The following TRIO variants were observed in gnomAD, a reference collection of about 807,000 sequenced individuals.
TRIO encodes trio Rho guanine nucleotide exchange factor.
Under a neutral mutation model 351.9 loss-of-function variants are expected in TRIO, and 58 were observed. The observed-to-expected ratio is 0.16, with a 90% CI of 0.13 to 0.21. The LOEUF (loss-of-function observed/expected upper bound fraction) is 0.21. Ranked by LOEUF, TRIO falls within the 10% of genes least tolerant of loss-of-function variation. The pLI is 1.00. For synonymous variants in TRIO, 1,758 were observed against 1,595.7 expected (o/e 1.10, Z -2.42); for missense variants, 3,201 against 4,027.8 (o/e 0.79, Z 5.56).
intron 1 of TRIO, among the ~76,000 whole-genome samples, chr5:14,198,167 A>G (rs1357133429): frequency 6.6e-6 from 1 of 152,220 alleles, no homozygotes. Flanking sequence ...TTTTTGAAAT[A>G]TATAGAGTTT....
chr5:14,317,938 C>T (rs1739515336), intron 9 of TRIO, among the ~76,000 whole-genome samples: 1 of 152,028 alleles, frequency 6.6e-6, no homozygotes, highest in African/African-American at 2.4e-5. Flanking sequence ...ACGAGCCTGC[C>T]CAACATGGTG....
At chr5:14,360,290 C>G in intron 13 of TRIO, among the ~76,000 whole-genome samples, 1 of 152,170 alleles carries the variant, frequency 6.6e-6, no homozygotes, top group East Asian at 1.9e-4. Context: ...GTTCTGGGTT[C>G]TGTGCTTAGG....
chr5:14,265,451 A>T (rs1184757838), intron 1 of TRIO, among the ~76,000 whole-genome samples: 2 of 152,242 alleles, frequency 1.3e-5, no homozygotes, highest in Non-Finnish European at 2.9e-5. Flanking sequence ...AAAAAATTTT[A>T]AAATTTGATT....
intron 1 of TRIO, among the ~76,000 whole-genome samples, chr5:14,198,164 AAT>A (rs1790889031): frequency 6.6e-6 from 1 of 152,198 alleles, no homozygotes; most frequent in African/African-American, 2.4e-5. Context: ...AGGTTTTTGA[AAT>A]ATATAGAGTT....
At chr5:14,431,461 A>G (rs1182819030) in intron 34 of TRIO, among the ~76,000 whole-genome samples, 1 of 152,202 alleles carries the variant, frequency 6.6e-6, no homozygotes, top group Non-Finnish European at 1.5e-5. Flanking sequence ...GCTGCATTGC[A>G]CGGCGGCTCT....
intron 7 of TRIO, among the ~76,000 whole-genome samples, chr5:14,301,157 C>A (rs1239015656): frequency 6.6e-6 from 1 of 152,076 alleles, no homozygotes; most frequent in Non-Finnish European, 1.5e-5. Flanking sequence ...AATTATTTAT[C>A]CAAGTTCTCC....
chr5:14,465,491 G>C, intron 36 of TRIO, 54 bp from the exon 37 acceptor site: 1 of 1,567,398 alleles, frequency 6.4e-7, no homozygotes, highest in Non-Finnish European at 8.8e-7. Flanking sequence ...TGTCTGACCA[G>C]TTACTAATGT....
chr5:14,472,720 C>T (rs373646468), intron 39 of TRIO, 62 bp downstream of exon 39: 23 of 1,557,624 alleles, frequency 1.5e-5, no homozygotes, highest in Middle Eastern at 1.7e-4. Context: ...AAAGTAGTAT[C>T]GTTTTAGACA....
intron 34 of TRIO, among the ~76,000 whole-genome samples, chr5:14,434,462 C>T (rs1372157349): frequency 6.6e-6 from 1 of 151,998 alleles, no homozygotes; most frequent in African/African-American, 2.4e-5. Flanking sequence ...TAGCTATTTG[C>T]ATTTAAATAA....
At chr5:14,414,360 C>G (rs1334338220) in intron 33 of TRIO, among the ~76,000 whole-genome samples, 1 of 152,240 alleles carries the variant, frequency 6.6e-6, no homozygotes, top group African/African-American at 2.4e-5. Context: ...TCTGGTTTGC[C>G]TACCCTTTTT....
chr5:14,188,818 A>G (rs751589588), intron 1 of TRIO, among the ~76,000 whole-genome samples: 1 of 152,132 alleles, frequency 6.6e-6, no homozygotes, highest in Non-Finnish European at 1.5e-5. Context: ...TTTTTAGTGT[A>G]GTTTCTTGCC....
chr5:14,240,346 A>C (rs1794054863), intron 1 of TRIO, among the ~76,000 whole-genome samples: 1 of 152,002 alleles, frequency 6.6e-6, no homozygotes, highest in African/African-American at 2.4e-5. Flanking sequence ...AGTGGGGATA[A>C]AGGAAGAAAA....
chr5:14,462,180 A>T (rs1753871106), intron 35 of TRIO, among the ~76,000 whole-genome samples: 1 of 152,004 alleles, frequency 6.6e-6, no homozygotes, highest in African/African-American at 2.4e-5. Context: ...TCCTGGGCAT[A>T]TTTTTGCCAT....
At chr5:14,206,391 CT>C (rs151024348) in intron 1 of TRIO, among the ~76,000 whole-genome samples, 1 of 152,212 alleles carries the variant, frequency 6.6e-6, no homozygotes, top group Non-Finnish European at 1.5e-5. Flanking sequence ...AAAGAAACGT[CT>C]TTTTAAAAAA....
intron 3 of TRIO, among the ~76,000 whole-genome samples, chr5:14,284,424 A>G (rs773133972): frequency 6.6e-6 from 1 of 152,182 alleles, no homozygotes; most frequent in Non-Finnish European, 1.5e-5. Flanking sequence ...TTAACTTGAT[A>G]AAAATAGATG....
At chr5:14,365,785 T>C (rs1011600559) in intron 15 of TRIO, among the ~76,000 whole-genome samples, 1 of 152,332 alleles carries the variant, frequency 6.6e-6, no homozygotes, top group East Asian at 1.9e-4. Context: ...GGTCCCATGA[T>C]ACATTAGGCT....
At chr5:14,281,424 A>ACCCCCCCCCCCCCCCC (rs3061076) in intron 3 of TRIO, among the ~76,000 whole-genome samples, 2 of 89,336 alleles carry the variant, frequency 2.2e-5, no homozygotes, top group African/African-American at 4.7e-5. Context: ...AGCCGTTAGA[A>ACCCCCCCCCCCCCCCC]CCCCCCCCCC....
chr5:14,279,868 C>T (rs981348638), intron 2 of TRIO, among the ~76,000 whole-genome samples: 10 of 152,240 alleles, frequency 6.6e-5, no homozygotes, highest in Non-Finnish European at 1.5e-4. Flanking sequence ...GAGAATGTTC[C>T]TTTTGCTTTC....
chr5:14,246,070 C>T (rs1233801793), intron 1 of TRIO, among the ~76,000 whole-genome samples: 1 of 152,186 alleles, frequency 6.6e-6, no homozygotes, highest in Non-Finnish European at 1.5e-5. Flanking sequence ...TTACTTAAAT[C>T]CCTGATAAAT....
Sources: allele counts gnomAD v4.1 joint callset (sites outside exome capture counted in the v4.1 genomes callset), GRCh38; gene constraint gnomAD v4.1.1; transcripts MANE v1.5; gene names NCBI Gene and HGNC (gene_info 2026-07-23, HGNC 2026-07-21).